USP12: variants seen among roughly 807,000 people sequenced by gnomAD.
USP12 encodes ubiquitin specific peptidase 12, also known as ubiquitin carboxyl-terminal hydrolase 12.
Under a neutral mutation model 45.5 loss-of-function variants are expected in USP12, and 19 were observed. The ratio of observed to expected loss-of-function variants is 0.42; its 90% CI spans 0.29 to 0.61. USP12 has a LOEUF of 0.61. USP12 is among the 20% of genes least tolerant of loss of function. The pLI is 0.22. For missense variants in USP12, 242 were observed against 447.7 expected, an observed-to-expected ratio of 0.54 and a Z score of 4.15; for synonymous variants, 149 against 148.8, an observed-to-expected ratio of 1.00 and a Z score of -0.01.
chr13:27,170,141 A>G, intron 1 of USP12: 1 of 395,486 alleles, frequency 2.5e-6, no homozygotes, highest in Non-Finnish European at 4.5e-6. Flanking sequence ...GCTTTCCTAA[A>G]ATGTAAACTG....
At chr13:27,165,254 A>G (rs1413169966) in intron 1 of USP12, among the ~76,000 whole-genome samples, 1 of 152,224 alleles carries the variant, frequency 6.6e-6, no homozygotes, top group Non-Finnish European at 1.5e-5. Context: ...TATTCAAAAT[A>G]GAGAAAGAAG....
At chr13:27,070,815 A>C (rs113798072) in intron 8 of USP12, among the ~76,000 whole-genome samples, 2 of 152,142 alleles carry the variant, frequency 1.3e-5, no homozygotes, top group African/African-American at 4.8e-5. Context: ...AGCCTCCCCA[A>C]GTGCTGGGAT....
At position 27,068,523 on chromosome 13, in the gene USP12, T is replaced by A. The variant is rs1214733850; in HGVS notation, c.*760A>T. 1.3e-5 allele frequency: 2 copies of A among 152,288 alleles called. No individual in the cohort carries two copies. The highest frequency in any genetic ancestry group is 4.8e-5 in the African/African-American group (2 of 41,442). The allele number at this position is 152,288 out of a possible 1,614,324, so 9.4% of individuals were successfully genotyped here. On this transcript the variant is annotated 3_prime_UTR_variant, in exon 9 of 9. Coordinates refer to ENST00000282344, the MANE Select transcript of USP12 (RefSeq NM_182488.4). ...AACAAAAGGACAACTTAAACTGACA[T>A]TAACTAATAAAAATATGTTCAAATT...
chr13:27,166,901 TTATA>T (rs1293591161), intron 1 of USP12, among the ~76,000 whole-genome samples: 3 of 152,174 alleles, frequency 2.0e-5, no homozygotes, highest in Admixed American at 1.3e-4. Flanking sequence ...CCTCATCATT[TTATA>T]ACATTAAACT....
intron 4 of USP12, among the ~76,000 whole-genome samples, chr13:27,093,822 CA>C (rs1874432374): frequency 6.6e-6 from 1 of 152,160 alleles, no homozygotes; most frequent in South Asian, 2.1e-4. Context: ...CACATCCTTA[CA>C]GTGGAAATGT....
At chr13:27,118,255 G>A (rs555036251) in intron 1 of USP12, among the ~76,000 whole-genome samples, 1 of 152,100 alleles carries the variant, frequency 6.6e-6, no homozygotes, top group African/African-American at 2.4e-5. Flanking sequence ...GACTGATAAA[G>A]GCACATGGTG....
chr13:27,079,268 C>G (rs9512539), intron 6 of USP12, among the ~76,000 whole-genome samples: 95,457 of 147,970 alleles, frequency 0.65, 32,524 homozygotes, highest in South Asian at 0.77. Context: ...GATTCAATCT[C>G]AAGCAAAATC....
intron 6 of USP12, among the ~76,000 whole-genome samples, chr13:27,084,335 G>A (rs138656590): frequency 3.5e-3 from 526 of 151,218 alleles, no homozygotes; most frequent in African/African-American, 0.012. Flanking sequence ...GTGTAACCCC[G>A]TCTCTACTAA....
chr13:27,127,318 G>A (rs900153238), intron 1 of USP12, among the ~76,000 whole-genome samples: 8 of 152,184 alleles, frequency 5.3e-5, no homozygotes, highest in Non-Finnish European at 1.2e-4. Context: ...TCGGCACAAA[G>A]CAAAGTGACC....
chr13:27,142,860 C>T (rs976279664), intron 1 of USP12, among the ~76,000 whole-genome samples: 2 of 152,002 alleles, frequency 1.3e-5, no homozygotes, highest in Non-Finnish European at 2.9e-5. Context: ...TTTGGGAGGC[C>T]GAGGCAGGCT....
At chr13:27,121,695 A>C (rs1413698929) in intron 1 of USP12, among the ~76,000 whole-genome samples, 1 of 151,928 alleles carries the variant, frequency 6.6e-6, no homozygotes, top group Non-Finnish European at 1.5e-5. Context: ...CCCCGTCTCT[A>C]CTAAAAATAC....
chr13:27,100,789 G>A (rs1874829159), intron 3 of USP12, among the ~76,000 whole-genome samples: 1 of 152,200 alleles, frequency 6.6e-6, no homozygotes. Flanking sequence ...AAAAGTCCTA[G>A]AGGAATCTAA....
intron 1 of USP12, among the ~76,000 whole-genome samples, chr13:27,158,486 G>A (rs967146875): frequency 2.0e-5 from 3 of 152,130 alleles, no homozygotes; most frequent in East Asian, 1.9e-4. Flanking sequence ...ATCATGGTGC[G>A]TATGTCATAG....
intron 1 of USP12, among the ~76,000 whole-genome samples, chr13:27,140,810 G>A (rs1283891200): frequency 6.6e-6 from 1 of 151,958 alleles, no homozygotes; most frequent in African/African-American, 2.4e-5. Flanking sequence ...AGAGATTAGA[G>A]TTGACAATTA....
chr13:27,144,112 G>C (rs1211095070), intron 1 of USP12, among the ~76,000 whole-genome samples: 1 of 152,222 alleles, frequency 6.6e-6, no homozygotes, highest in Admixed American at 6.5e-5. Context: ...GCTGAGGTGG[G>C]AGGATCACTT....
intron 3 of USP12, among the ~76,000 whole-genome samples, chr13:27,101,719 T>C (rs1593184355): frequency 6.6e-6 from 1 of 152,292 alleles, no homozygotes; most frequent in East Asian, 1.9e-4. Flanking sequence ...GAAATAGCTA[T>C]AAGCTCTCAT....
At chr13:27,132,385 C>T (rs1292706704) in intron 1 of USP12, among the ~76,000 whole-genome samples, 1 of 150,558 alleles carries the variant, frequency 6.6e-6, no homozygotes, top group Non-Finnish European at 1.5e-5. Context: ...AGGTTACTAG[C>T]AAAACATAAA....
intron 1 of USP12, among the ~76,000 whole-genome samples, chr13:27,122,225 T>C (rs1400279714): frequency 6.9e-6 from 1 of 145,530 alleles, no homozygotes; most frequent in African/African-American, 2.5e-5. Flanking sequence ...TGGTAAGAAA[T>C]AATTTGAATC....
rs570188641 is a variant in USP12 at position 27,123,697 on chromosome 13, C to T, written c.49-7101G>A. On this transcript the variant is annotated intron_variant, in intron 1 of 8. Coordinates refer to ENST00000282344, the MANE Select transcript of USP12 (RefSeq NM_182488.4). ...CCCCTGCACACGCTCTCTTGCCTGC[C>T]GCCATGTAAGACATGCCTTTGCTGA... Among the ~76,000 whole-genome samples, 6 of 152,308 alleles carry T rather than the reference C, an allele frequency of 3.9e-5. No homozygotes were observed. In the East Asian group the frequency reaches 7.7e-4, roughly 20 times the overall value.
Sources: allele counts gnomAD v4.1 joint callset (sites outside exome capture counted in the v4.1 genomes callset), GRCh38; gene constraint gnomAD v4.1.1; transcripts MANE v1.5; gene names NCBI Gene and HGNC (gene_info 2026-07-23, HGNC 2026-07-21).